Variants in TENM2 observed in about 807,000 individuals in gnomAD.
The protein encoded by TENM2 is teneurin-2.
In TENM2, 52 loss-of-function variants were observed where a neutral mutation model predicts 245.2. That is an observed-to-expected ratio of 0.21 (90% CI 0.17 to 0.27). The LOEUF (loss-of-function observed/expected upper bound fraction) is 0.27, where lower values mean the gene tolerates loss of function less well. Ranked by LOEUF, TENM2 falls within the 10% of genes least tolerant of loss-of-function variation. The pLI, the probability that TENM2 is intolerant of heterozygous loss-of-function variation, is 1.00. For missense variants in TENM2, 3,046 were observed against 3,666.8 expected (o/e 0.83, Z 4.37); for synonymous variants, 1,363 against 1,438.9 (o/e 0.95, Z 1.19).
At chr5:167,985,138 G>C (rs1191767462) in intron 4 of TENM2, among the ~76,000 whole-genome samples, 1 of 152,196 alleles carries the variant, frequency 6.6e-6, no homozygotes, top group Non-Finnish European at 1.5e-5. Context: ...GCCAGAACCA[G>C]TGAAATGTAA....
chr5:167,658,317 T>A (rs1181622489), intron 2 of TENM2, among the ~76,000 whole-genome samples: 1 of 151,858 alleles, frequency 6.6e-6, no homozygotes, highest in Non-Finnish European at 1.5e-5. Flanking sequence ...TAAGCTATTC[T>A]CCTGCCTCGG....
chr5:167,877,639 C>T (rs866874459), intron 3 of TENM2, among the ~76,000 whole-genome samples: 12 of 152,204 alleles, frequency 7.9e-5, no homozygotes, highest in South Asian at 2.1e-4. Flanking sequence ...CTTTCTACCG[C>T]GGAACAATGA....
the TENM2 span, among the ~76,000 whole-genome samples, chr5:167,141,099 G>A: frequency 2.0e-5 from 3 of 152,142 alleles, no homozygotes; most frequent in Non-Finnish European, 4.4e-5. Context: ...ACTGTCTTTG[G>A]AACTTGTATC....
At chr5:167,759,340 A>G (rs1374414755) in intron 2 of TENM2, among the ~76,000 whole-genome samples, 3 of 152,076 alleles carry the variant, frequency 2.0e-5, no homozygotes, top group Non-Finnish European at 2.9e-5. Context: ...TGCTCAGCAC[A>G]TGGTAAGTGC....
intron 3 of TENM2, among the ~76,000 whole-genome samples, chr5:167,908,302 C>T: frequency 6.8e-6 from 1 of 147,658 alleles, no homozygotes; most frequent in Non-Finnish European, 1.5e-5. Context: ...CCTACCCTCC[C>T]TTCCCCTCGC....
At chr5:167,308,360 T>C (rs1733077628) in intron 1 of TENM2, among the ~76,000 whole-genome samples, 1 of 152,204 alleles carries the variant, frequency 6.6e-6, no homozygotes, top group African/African-American at 2.4e-5. Flanking sequence ...CTACACCCAG[T>C]ATTATTCTAG....
chr5:167,890,372 A>G (rs1774650151), intron 3 of TENM2, among the ~76,000 whole-genome samples: 1 of 152,166 alleles, frequency 6.6e-6, no homozygotes, highest in Admixed American at 6.5e-5. Context: ...TGATAATGAT[A>G]TTAAATAATA....
chr5:167,720,162 A>C (rs1486770014), intron 2 of TENM2, among the ~76,000 whole-genome samples: 3 of 152,214 alleles, frequency 2.0e-5, no homozygotes, highest in African/African-American at 7.2e-5. Context: ...AGTGTTCCAC[A>C]AAACACGGGA....
Position 167,952,576 on chromosome 5 carries a change from T to C in TENM2, c.713-12T>C, listed in dbSNP as rs1780195737. Reference sequence around the variant, plus strand: ...TGCAGACGCTAACAGTCATTTCTCCTTTTTTTTTCAGGCCCTCCGAACCAC... The same window carrying C: ...TGCAGACGCTAACAGTCATTTCTCCCTTTTTTTTCAGGCCCTCCGAACCAC... On this transcript the variant is annotated splice_polypyrimidine_tract_variant and intron_variant, in intron 3 of 28. Coordinates refer to ENST00000518659, the Ensembl canonical transcript of TENM2. 6.4e-7 allele frequency: 1 copy of C among 1,565,062 alleles called. No individual in the cohort carries two copies. Among genetic ancestry groups the C allele is most frequent in the African/African-American group, 1.4e-5 (1 of 73,376 alleles).
intron 1 of TENM2, among the ~76,000 whole-genome samples, chr5:167,291,656 C>T (rs1445506549): frequency 6.6e-6 from 1 of 152,214 alleles, no homozygotes; most frequent in Non-Finnish European, 1.5e-5. Flanking sequence ...CTGTAGCTGG[C>T]CACATCTTGG....
chr5:167,611,825 C>G (rs1228714154), intron 2 of TENM2, among the ~76,000 whole-genome samples: 2 of 151,996 alleles, frequency 1.3e-5, no homozygotes, highest in African/African-American at 2.4e-5. Flanking sequence ...TATAACGGCA[C>G]TAATTCCATT....
rs140193263 is a variant in TENM2 at position 167,484,641 on chromosome 5, T to C, written c.502+109168T>C. 3.4e-4 allele frequency among the ~76,000 whole-genome samples: 52 copies of C among 152,298 alleles called. 1 individual carries two copies. In the East Asian group the frequency reaches 8.3e-3, roughly 24 times the overall value. On this transcript the variant is annotated intron_variant, in intron 2 of 28. Transcript: ENST00000518659. ...TAGTACACATTCCCTTAAAGGAAGT[T>C]CGTACAGTGTCTTACAACAATGAAC...
chr5:167,912,604 G>A (rs979918947), intron 3 of TENM2, among the ~76,000 whole-genome samples: 2 of 152,124 alleles, frequency 1.3e-5, no homozygotes, highest in African/African-American at 2.4e-5. Flanking sequence ...TGCAGACAAT[G>A]AGCTCCTGAA....
intron 2 of TENM2, among the ~76,000 whole-genome samples, chr5:167,611,757 G>C (rs73382930): frequency 6.6e-6 from 1 of 151,860 alleles, no homozygotes; most frequent in Non-Finnish European, 1.5e-5. Context: ...CATAGATGGC[G>C]CCTCCTCATT....
chr5:167,876,556 A>G (rs1441352361), intron 3 of TENM2, among the ~76,000 whole-genome samples: 4 of 152,144 alleles, frequency 2.6e-5, no homozygotes, highest in South Asian at 2.1e-4. Flanking sequence ...ACACCCTCAC[A>G]GGCCCAATTT....
intron 5 of TENM2, among the ~76,000 whole-genome samples, chr5:168,023,658 A>G (rs1471599289): frequency 2.0e-5 from 3 of 152,234 alleles, no homozygotes; most frequent in Non-Finnish European, 4.4e-5. Flanking sequence ...ACTCTGCCAC[A>G]GATCCAGAGC....
At chr5:167,568,646 GGTGTGTGTGTGTGTGT>G (rs3138740) in intron 2 of TENM2, among the ~76,000 whole-genome samples, 2 of 142,520 alleles carry the variant, frequency 1.4e-5, no homozygotes, top group African/African-American at 2.6e-5. Flanking sequence ...CAGAGACCAT[GGTGTGTGTGTGTGTGT>G]GTGTGTGTGT....
At chr5:167,245,811 T>C in the TENM2 span, among the ~76,000 whole-genome samples, 1 of 152,146 alleles carries the variant, frequency 6.6e-6, no homozygotes, top group Non-Finnish European at 1.5e-5. Flanking sequence ...GAGTAAAGAA[T>C]ATCCCTACTT....
In TENM2 at chr5:168,067,759, G is replaced by C. The variant is rs369217023; in HGVS notation, c.1515+5494G>C. 3.4e-4 allele frequency among the ~76,000 whole-genome samples: 51 copies of C among 152,160 alleles called. 4 individuals carry two copies. In the South Asian group the frequency reaches 0.01, roughly 30 times the overall value. On this transcript the variant is annotated intron_variant, in intron 7 of 28. Transcript: ENST00000518659. Reference sequence around the variant, plus strand: ...TTGCCACTCTCTCTTTACCCTCTCAGTGCCCATTGACTAGTCACATAGGCT... The same window carrying C: ...TTGCCACTCTCTCTTTACCCTCTCACTGCCCATTGACTAGTCACATAGGCT...
Sources: allele counts gnomAD v4.1 joint callset (sites outside exome capture counted in the v4.1 genomes callset), GRCh38; gene constraint gnomAD v4.1.1; transcripts MANE v1.5; gene names NCBI Gene and HGNC (gene_info 2026-07-23, HGNC 2026-07-21).